The following FARP2 variants were observed in gnomAD, a reference collection of about 807,000 sequenced individuals.
FARP2 encodes FERM, ARHGEF and pleckstrin domain-containing protein 2.
Under a neutral mutation model 130.5 loss-of-function variants are expected in FARP2, and 111 were observed. That is an observed-to-expected ratio of 0.85 (90% confidence interval 0.73 to 1.00). The LOEUF is 1.00. FARP2 is among the 50% of genes least tolerant of loss of function. The pLI is 0.00. For missense variants in FARP2, 1,385 were observed against 1,346.3 expected, an observed-to-expected ratio of 1.03 and a Z score of -0.45; for synonymous variants, 504 against 516.9, an observed-to-expected ratio of 0.98 and a Z score of 0.34.
chr2:241,414,777 G>C (rs1310810019), intron 7 of FARP2, among the ~76,000 whole-genome samples: 2 of 152,222 alleles, frequency 1.3e-5, no homozygotes, highest in Admixed American at 1.3e-4. Flanking sequence ...CTCATACGCT[G>C]TGAGCTGAAA....
At chr2:241,477,123 CTTTT>C (rs71406462) in intron 19 of FARP2, among the ~76,000 whole-genome samples, 2,647 of 122,584 alleles carry the variant, frequency 0.022, 15 homozygotes, top group Non-Finnish European at 0.032. Context: ...ATTCATGTTC[CTTTT>C]TTTTTTTTTT....
chr2:241,491,456 G>A (rs1298298437), intron 23 of FARP2, 60 bp from the exon 24 acceptor site: 8 of 1,587,904 alleles, frequency 5.0e-6, no homozygotes, highest in African/African-American at 4.0e-5. Context: ...AGGGGTGGAA[G>A]TATTTGGCAA....
chr2:241,363,643 G>A (rs1353502348), intron 1 of FARP2, among the ~76,000 whole-genome samples: 1 of 152,246 alleles, frequency 6.6e-6, no homozygotes, highest in Non-Finnish European at 1.5e-5. Context: ...TGGAAGGCAG[G>A]CTGGCCACCA....
At chr2:241,452,661 CTG>C (rs1185213543) in intron 13 of FARP2, among the ~76,000 whole-genome samples, 1 of 151,812 alleles carries the variant, frequency 6.6e-6, no homozygotes, top group East Asian at 1.9e-4. Context: ...GAAAAAGAGT[CTG>C]GGCACAGTGG....
At chr2:241,451,342 A>G (rs1559783236) in intron 13 of FARP2, among the ~76,000 whole-genome samples, 1 of 152,212 alleles carries the variant, frequency 6.6e-6, no homozygotes, top group Non-Finnish European at 1.5e-5. Flanking sequence ...AATGAAGCCC[A>G]TTGGTGAACA....
chr2:241,427,479 C>T (rs1247818263), intron 8 of FARP2, among the ~76,000 whole-genome samples: 1 of 152,116 alleles, frequency 6.6e-6, no homozygotes, highest in Non-Finnish European at 1.5e-5. Context: ...AAAGCAAGAC[C>T]TCATCTCTAC....
intron 12 of FARP2, among the ~76,000 whole-genome samples, chr2:241,438,635 T>C (rs868557952): frequency 7.5e-6 from 1 of 133,088 alleles, no homozygotes; most frequent in Admixed American, 7.3e-5. Context: ...TTTTTTTTTG[T>C]TTTTTTTTTT....
At position 241,410,043 on chromosome 2, in the gene FARP2, G is replaced by T. The variant is rs188455836; in HGVS notation, c.411-990G>T. The stretch of plus-strand genomic sequence containing the variant: ...GGCATGAATTCCACTAGGGACAGGG[G>T]GTTGGTCTTGCTTACCTTTGCATTT... On this transcript the variant is annotated intron_variant, in intron 5 of 26. Transcript: ENST00000264042. Among the ~76,000 whole-genome samples the T allele has an allele frequency of 7.2e-5, 11 of 152,222 alleles. 1 individual carries two copies. The East Asian group carries it at 2.1e-3, about 29-fold the overall frequency.
intron 14 of FARP2, among the ~76,000 whole-genome samples, chr2:241,460,120 A>T (rs1338498896): frequency 6.6e-6 from 1 of 152,124 alleles, no homozygotes; most frequent in Non-Finnish European, 1.5e-5. Context: ...ACTCTCCCCC[A>T]GGGCCCAAGG....
chr2:241,415,987 T>TTC (rs144715430), intron 7 of FARP2, among the ~76,000 whole-genome samples: 5,663 of 100,332 alleles, frequency 0.056, 185 homozygotes, highest in Middle Eastern at 0.16. Flanking sequence ...CTCAGGGTAG[T>TTC]TCTGTGTGTG....
At chr2:241,493,897 C>G in intron 26 of FARP2, 111 bp from the exon 27 acceptor site, 1 of 663,104 alleles carries the variant, frequency 1.5e-6, no homozygotes, top group Admixed American at 2.9e-5. Context: ...GCACCCGGCC[C>G]CAGGTTTTTA....
chr2:241,491,277 C>T (rs1444401288), intron 23 of FARP2, 98 bp downstream of exon 23: 8 of 929,912 alleles, frequency 8.6e-6, no homozygotes, highest in Non-Finnish European at 1.4e-5. Context: ...CCGCTAAGTT[C>T]CCACACAATC....
At position 241,402,862 on chromosome 2, in the gene FARP2, A is replaced by C. The variant is rs1479528401; in HGVS notation, c.184-966A>C. On this transcript the variant is annotated intron_variant, in intron 2 of 26. Coordinates refer to ENST00000264042, the MANE Select transcript of FARP2 (RefSeq NM_014808.4). ...TATATATATATATATATATATATAT[A>C]TATATATATATATATATATTTTTTT... 5.4e-3 allele frequency among the ~76,000 whole-genome samples: 58 copies of C among 10,750 alleles called. 1 individual carries two copies. The highest frequency in any genetic ancestry group is 0.022 in the Admixed American group (18 of 814). The allele number at this position is 10,750 out of a possible 152,430, so 7.1% of individuals were successfully genotyped here. A position where few individuals can be genotyped will look rare whatever the true frequency, so the allele number is the denominator to read the frequency against.
rs1445009193 is a variant in FARP2, at chr2:241,474,866, A to T, written c.2132-991A>T. 3.3e-5 allele frequency among the ~76,000 whole-genome samples: 5 copies of T among 152,208 alleles called. No individual in the cohort carries two copies. In the East Asian group the frequency reaches 7.7e-4, roughly 23 times the overall value. On this transcript the variant is annotated intron_variant, in intron 18 of 26. Transcript: ENST00000264042. ...AGAAAGAAGGGGGAAAGTGGTCCCC[A>T]TGAGTGATTCCAGCAAGGAGGATGC...
At chr2:241,387,790 C>CAAAAA (rs200728771) in intron 2 of FARP2, among the ~76,000 whole-genome samples, 3 of 93,908 alleles carry the variant, frequency 3.2e-5, no homozygotes, top group Non-Finnish European at 4.3e-5. Context: ...GAGACTGTCT[C>CAAAAA]AAAAAAAAAA....
At chr2:241,361,925 C>T (rs1298229476) in intron 1 of FARP2, among the ~76,000 whole-genome samples, 1 of 151,088 alleles carries the variant, frequency 6.6e-6, no homozygotes, top group African/African-American at 2.4e-5. Flanking sequence ...GACAGAGTTT[C>T]ACTCTGTCAC....
At chr2:241,461,421 C>T (rs151064809) in intron 14 of FARP2, among the ~76,000 whole-genome samples, 3 of 151,666 alleles carry the variant, frequency 2.0e-5, no homozygotes, top group African/African-American at 4.8e-5. Flanking sequence ...AGAAGGCCCA[C>T]GTGGCCTGCT....
intron 2 of FARP2, among the ~76,000 whole-genome samples, chr2:241,387,650 A>G (rs2061816862): frequency 6.6e-6 from 1 of 152,022 alleles, no homozygotes; most frequent in East Asian, 1.9e-4. Context: ...AAAATTAGCC[A>G]GGCGTGGTGG....
chr2:241,480,122 CTT>C (rs1431363049), intron 19 of FARP2, among the ~76,000 whole-genome samples: 1 of 152,176 alleles, frequency 6.6e-6, no homozygotes, highest in Non-Finnish European at 1.5e-5. Flanking sequence ...GCTCCAAGCT[CTT>C]TGTTTCTGGA....
Sources: allele counts gnomAD v4.1 joint callset (sites outside exome capture counted in the v4.1 genomes callset), GRCh38; gene constraint gnomAD v4.1.1; transcripts MANE v1.5; gene names NCBI Gene and HGNC (gene_info 2026-07-23, HGNC 2026-07-21).